Variants in GPHN observed in about 807,000 individuals in gnomAD.
The protein encoded by GPHN is gephyrin.
Under a neutral mutation model 95.5 loss-of-function variants are expected in GPHN, and 17 were observed. The observed-to-expected ratio is 0.18, with a 90% CI of 0.12 to 0.27. GPHN has a LOEUF of 0.27. Among genes scored for constraint, GPHN ranks in the 10% least tolerant of loss-of-function variants. The pLI, the probability that GPHN is intolerant of heterozygous loss-of-function variation, is 1.00. For synonymous variants in GPHN, 320 were observed against 322.5 expected (o/e 0.99, Z 0.08); for missense variants, 660 against 978.1 (o/e 0.67, Z 4.34).
intron 1 of GPHN, among the ~76,000 whole-genome samples, chr14:66,578,945 A>G (rs184449314): frequency 6.6e-6 from 1 of 151,994 alleles, no homozygotes; most frequent in Admixed American, 6.6e-5. Context: ...TAAAGCTACA[A>G]TGGTGGTGTG....
chr14:66,623,771 G>GAGGGACCTGAACTTTC (rs2063409407), intron 1 of GPHN, among the ~76,000 whole-genome samples: 1 of 152,026 alleles, frequency 6.6e-6, no homozygotes, highest in African/African-American at 2.4e-5. Flanking sequence ...TAAAGAAGAG[G>GAGGGACCTGAACTTTC]AGGGACCTGA....
the GPHN span, among the ~76,000 whole-genome samples, chr14:67,557,801 G>A: frequency 6.6e-6 from 1 of 152,220 alleles, no homozygotes; most frequent in African/African-American, 2.4e-5. Flanking sequence ...TGTGCCTAGT[G>A]TCAGGCACGT....
the GPHN span, among the ~76,000 whole-genome samples, chr14:67,529,977 G>A: frequency 6.6e-6 from 1 of 152,148 alleles, no homozygotes; most frequent in Non-Finnish European, 1.5e-5. Flanking sequence ...TGATATAGGA[G>A]AGGGTCTCTT....
At chr14:67,662,205 A>T in the GPHN span, among the ~76,000 whole-genome samples, 1 of 152,130 alleles carries the variant, frequency 6.6e-6, no homozygotes, top group South Asian at 2.1e-4. Flanking sequence ...AGATTTTAAA[A>T]GACTGCTTGG....
intron 18 of GPHN, among the ~76,000 whole-genome samples, chr14:67,149,609 C>T (rs1035812062): frequency 6.6e-6 from 1 of 152,088 alleles, no homozygotes; most frequent in African/African-American, 2.4e-5. Context: ...CAAAAGAACA[C>T]TTATAGTTAT....
the GPHN span, among the ~76,000 whole-genome samples, chr14:67,348,091 T>A: frequency 1.3e-4 from 19 of 151,468 alleles, no homozygotes; most frequent in Admixed American, 1.1e-3. Context: ...TTTTTTTTTT[T>A]AAAGATGAGT....
At chr14:66,620,028 G>A (rs1377207247) in intron 1 of GPHN, among the ~76,000 whole-genome samples, 1 of 152,120 alleles carries the variant, frequency 6.6e-6, no homozygotes, top group African/African-American at 2.4e-5. Context: ...GATATATGGA[G>A]TGGGTGTGGA....
chr14:67,657,378 T>C, the GPHN span, among the ~76,000 whole-genome samples: 1 of 152,176 alleles, frequency 6.6e-6, no homozygotes, highest in Admixed American at 6.5e-5. Flanking sequence ...TGATTTGGTC[T>C]CAGGGAAATT....
chr14:67,121,216 A>T (rs2078995150), intron 16 of GPHN, among the ~76,000 whole-genome samples: 1 of 152,092 alleles, frequency 6.6e-6, no homozygotes, highest in Non-Finnish European at 1.5e-5. Flanking sequence ...TGATACATAA[A>T]TTGTTGTAAG....
chr14:67,338,485 A>G, the GPHN span: 1 of 942,596 alleles, frequency 1.1e-6, no homozygotes, highest in African/African-American at 1.7e-5. Flanking sequence ...AATCCCATAA[A>G]TAGACATCTA....
At chr14:67,475,061 A>G in the GPHN span, among the ~76,000 whole-genome samples, 77,517 of 151,698 alleles carry the variant, frequency 0.51, 21,434 homozygotes, top group African/African-American at 0.74. Context: ...GACTACAGGC[A>G]CACACCATCA....
the GPHN span, among the ~76,000 whole-genome samples, chr14:67,392,106 C>T: frequency 6.6e-6 from 1 of 152,216 alleles, no homozygotes; most frequent in Middle Eastern, 3.4e-3. Flanking sequence ...ACATTTTTCC[C>T]GAACAGCCCT....
At chr14:67,140,114 C>T (rs550381539) in intron 17 of GPHN, among the ~76,000 whole-genome samples, 3 of 151,472 alleles carry the variant, frequency 2.0e-5, no homozygotes, top group Admixed American at 6.6e-5. Context: ...GCTGGCACGG[C>T]GGCTCACACC....
chr14:67,455,058 C>T, the GPHN span, among the ~76,000 whole-genome samples: 1 of 152,146 alleles, frequency 6.6e-6, no homozygotes, highest in African/African-American at 2.4e-5. Flanking sequence ...CCATGTTGAC[C>T]AGGCAGGTCT....
chr14:67,074,716 A>T (rs1000583584), intron 11 of GPHN, among the ~76,000 whole-genome samples: 1 of 152,202 alleles, frequency 6.6e-6, no homozygotes, highest in South Asian at 2.1e-4. Context: ...GCAAAGGAAA[A>T]GTTCTTTAAG....
intron 1 of GPHN, among the ~76,000 whole-genome samples, chr14:66,518,464 T>G (rs1057103719): frequency 6.6e-6 from 1 of 152,262 alleles, no homozygotes; most frequent in South Asian, 2.1e-4. Context: ...AACTACCATA[T>G]GATCCATCAA....
intron 3 of GPHN, among the ~76,000 whole-genome samples, chr14:66,795,962 C>G (rs1385642863): frequency 1.3e-5 from 2 of 152,202 alleles, no homozygotes; most frequent in African/African-American, 4.8e-5. Flanking sequence ...CTAACCATCC[C>G]TACCTCCACC....
the GPHN span, chr14:67,301,869 T>C: frequency 3.2e-6 from 4 of 1,262,346 alleles, no homozygotes; most frequent in East Asian, 2.6e-5. Flanking sequence ...TTATAACACT[T>C]TTAAAGATTT....
At chr14:67,269,397 T>A in the GPHN span, among the ~76,000 whole-genome samples, 1 of 152,134 alleles carries the variant, frequency 6.6e-6, no homozygotes, top group Non-Finnish European at 1.5e-5. Flanking sequence ...AGGAGTAGAA[T>A]CGCTGATATG....
Sources: allele counts gnomAD v4.1 joint callset (sites outside exome capture counted in the v4.1 genomes callset), GRCh38; gene constraint gnomAD v4.1.1; transcripts MANE v1.5; gene names NCBI Gene and HGNC (gene_info 2026-07-23, HGNC 2026-07-21).